LMNB1: variants seen among roughly 807,000 people sequenced by gnomAD.
LMNB1 encodes lamin B1.
LMNB1 carries 23 observed loss-of-function variants against 67.1 expected under a neutral mutation model. The ratio of observed to expected loss-of-function variants is 0.34; its 90% confidence interval spans 0.25 to 0.49. The LOEUF is 0.49. Ranked by LOEUF, LMNB1 falls within the 20% of genes least tolerant of loss-of-function variation. The pLI is 0.99. For missense variants in LMNB1, 634 were observed against 746.5 expected, an observed-to-expected ratio of 0.85 and a Z score of 1.76; for synonymous variants, 281 against 282.9, an observed-to-expected ratio of 0.99 and a Z score of 0.07.
chr5:126,831,757 A>T (rs1229420719), intron 9 of LMNB1, among the ~76,000 whole-genome samples: 1 of 152,216 alleles, frequency 6.6e-6, no homozygotes. Context: ...AGTTTTATAA[A>T]GAATTTAGTA....
rs1057313040 is a variant in LMNB1 at position 126,811,973 on chromosome 5, G to A, written c.939+75G>A. 2.8e-6 allele frequency: 4 copies of A among 1,434,036 alleles called. No individual in the cohort carries two copies. The Admixed American group carries it at 7.1e-5, about 25-fold the overall frequency. 88.8% of individuals were successfully genotyped at this position (1,434,036 alleles called of 1,614,324 possible). ...CACGGGCACCTACCTGCTTTGCTTGGGCTGATGTCACTCCTCCCTCTGTTT... is the reference window on the plus strand; with the variant it reads ...CACGGGCACCTACCTGCTTTGCTTGAGCTGATGTCACTCCTCCCTCTGTTT... On this transcript the variant is annotated intron_variant, in intron 5 of 10. Transcript: ENST00000261366.
rs1327214757 is a variant in LMNB1, at chr5:126,787,512, G to C, written c.359+9645G>C. Among the ~76,000 whole-genome samples the C allele has an allele frequency of 4.9e-5, 5 of 101,772 alleles. 1 individual carries two copies. The Admixed American group carries it at 5.7e-4, about 12-fold the overall frequency. The allele number at this position is 101,772 out of a possible 152,430, so 66.8% of individuals were successfully genotyped here. A position where few individuals can be genotyped will look rare whatever the true frequency, so the allele number is the denominator to read the frequency against. On this transcript the variant is annotated intron_variant, in intron 1 of 10. Coordinates refer to ENST00000261366, the MANE Select transcript of LMNB1 (RefSeq NM_005573.4). Reference sequence around the variant, plus strand: ...ATGAAGTATATGTTATATATAACGTGTGTGTGTGGGGGTATATATATATAT... The same window carrying C: ...ATGAAGTATATGTTATATATAACGTCTGTGTGTGGGGGTATATATATATAT...
chr5:126,809,155 G>A (rs1234326681), intron 3 of LMNB1, among the ~76,000 whole-genome samples: 5 of 152,182 alleles, frequency 3.3e-5, no homozygotes, highest in East Asian at 1.9e-4. Context: ...GATTACAGGC[G>A]TGAGCCACCG....
chr5:126,834,328 C>A (rs1752200384), intron 10 of LMNB1, among the ~76,000 whole-genome samples: 1 of 152,112 alleles, frequency 6.6e-6, no homozygotes, highest in Admixed American at 6.5e-5. Context: ...GCCTCAGTCT[C>A]CCAAGTAGCT....
At chr5:126,834,620 C>T (rs756595069) in intron 10 of LMNB1, among the ~76,000 whole-genome samples, 6 of 152,228 alleles carry the variant, frequency 3.9e-5, no homozygotes, top group Admixed American at 2.0e-4. Flanking sequence ...CGGTGGCTTA[C>T]GCCTGTAATC....
At chr5:126,827,920 G>A (rs899846601) in intron 9 of LMNB1, among the ~76,000 whole-genome samples, 1 of 152,172 alleles carries the variant, frequency 6.6e-6, no homozygotes, top group African/African-American at 2.4e-5. Context: ...CCTGCGTGGT[G>A]CTCATCACAT....
At chr5:126,822,508 A>T (rs1510955) in intron 7 of LMNB1, among the ~76,000 whole-genome samples, 2 of 152,124 alleles carry the variant, frequency 1.3e-5, no homozygotes, top group African/African-American at 4.8e-5. Context: ...CTTATCTAGC[A>T]GTGAATTTGA....
At chr5:126,800,086 T>C (rs756244373) in intron 1 of LMNB1, among the ~76,000 whole-genome samples, 1 of 152,184 alleles carries the variant, frequency 6.6e-6, no homozygotes, top group Non-Finnish European at 1.5e-5. Context: ...TAAAGTAAAA[T>C]TGTAAGCACT....
intron 8 of LMNB1, 75 bp downstream of exon 8, chr5:126,822,960 T>A: frequency 2.2e-6 from 2 of 921,020 alleles, no homozygotes; most frequent in Middle Eastern, 2.7e-4. Context: ...GTTTTTTGGC[T>A]AAAAGAGAAG....
chr5:126,793,116 TA>T (rs1486928450), intron 1 of LMNB1, among the ~76,000 whole-genome samples: 3 of 152,186 alleles, frequency 2.0e-5, no homozygotes, highest in Non-Finnish European at 4.4e-5. Context: ...AGCTGCCTCA[TA>T]ACACCCAGCA....
chr5:126,835,814 C>T (rs576289874), intron 10 of LMNB1, among the ~76,000 whole-genome samples: 83 of 152,266 alleles, frequency 5.5e-4, no homozygotes, highest in East Asian at 1.5e-3. Context: ...AGGCCAGATA[C>T]GGTGGCTCAC....
At chr5:126,786,718 G>A (rs1442805964) in intron 1 of LMNB1, among the ~76,000 whole-genome samples, 1 of 152,118 alleles carries the variant, frequency 6.6e-6, no homozygotes, top group East Asian at 1.9e-4. Flanking sequence ...CCCTTTGGGT[G>A]CTACTTTTGG....
At chr5:126,822,163 T>A (rs978260055) in intron 7 of LMNB1, among the ~76,000 whole-genome samples, 2 of 152,078 alleles carry the variant, frequency 1.3e-5, no homozygotes, top group Admixed American at 1.3e-4. Context: ...GCCTGCTGAT[T>A]TTTGTATTTT....
chr5:126,787,546 A>ATATTTTTTTTTTT, intron 1 of LMNB1, among the ~76,000 whole-genome samples: 6 of 65,572 alleles, frequency 9.2e-5, no homozygotes, highest in Admixed American at 4.3e-4. Context: ...ATATATATAT[A>ATATTTTTTTTTTT]TTTTTTTTTT....
chr5:126,787,751 A>G (rs1276175544), intron 1 of LMNB1, among the ~76,000 whole-genome samples: 1 of 151,326 alleles, frequency 6.6e-6, no homozygotes, highest in Non-Finnish European at 1.5e-5. Context: ...GGGTTTCAGT[A>G]TGTTTGCCAG....
At chr5:126,804,699 G>C in intron 1 of LMNB1, 77 bp from the exon 2 acceptor site, 5 of 1,295,014 alleles carry the variant, frequency 3.9e-6, no homozygotes, top group Non-Finnish European at 5.3e-6. Context: ...TCTTTTGTTT[G>C]TCCCTTCAGC....
intron 1 of LMNB1, among the ~76,000 whole-genome samples, chr5:126,790,178 T>C (rs1260250744): frequency 6.6e-6 from 1 of 152,136 alleles, no homozygotes; most frequent in Non-Finnish European, 1.5e-5. Flanking sequence ...TGATCTCTGC[T>C]CAGTATAACC....
intron 3 of LMNB1, among the ~76,000 whole-genome samples, chr5:126,806,580 C>T (rs879349887): frequency 5.3e-5 from 8 of 151,980 alleles, no homozygotes; most frequent in Admixed American, 4.6e-4. Flanking sequence ...TGATATGGCC[C>T]CCCTAAGGGT....
chr5:126,817,120 A>G (rs1039154808), intron 5 of LMNB1, among the ~76,000 whole-genome samples: 4 of 152,104 alleles, frequency 2.6e-5, no homozygotes, highest in Non-Finnish European at 5.9e-5. Context: ...GACCATGGGC[A>G]TTTACTTTAT....
Sources: gnomAD v4.1 joint callset for allele counts (sites outside exome capture counted in the v4.1 genomes callset) on GRCh38, gnomAD v4.1.1 for gene constraint, MANE v1.5 for transcripts, NCBI Gene and HGNC (gene_info 2026-07-23, HGNC 2026-07-21) for gene names.